SCFD2: variants seen among roughly 807,000 people sequenced by gnomAD.
SCFD2 encodes the protein sec1 family domain-containing protein 2.
SCFD2 carries 54 observed loss-of-function variants against 58.9 expected under a neutral mutation model. That is an observed-to-expected ratio of 0.92 (90% CI 0.74 to 1.15). The LOEUF (loss-of-function observed/expected upper bound fraction) is 1.15, where lower values mean the gene tolerates loss of function less well. Ranked by LOEUF, SCFD2 falls within the 50% of genes most tolerant of loss-of-function variation. The pLI, the probability that SCFD2 is intolerant of heterozygous loss-of-function variation, is 0.00. For missense variants in SCFD2, 805 were observed against 836.6 expected (o/e 0.96, Z 0.47); for synonymous variants, 321 against 335.9 (o/e 0.96, Z 0.49).
At chr4:53,324,919 A>C (rs1733139817) in intron 2 of SCFD2, among the ~76,000 whole-genome samples, 1 of 152,362 alleles carries the variant, frequency 6.6e-6, no homozygotes, top group East Asian at 1.9e-4. Context: ...ATTGATACTA[A>C]TTAACTATGT....
chr4:53,204,066 A>G (rs1241832125), intron 4 of SCFD2, among the ~76,000 whole-genome samples: 1 of 152,050 alleles, frequency 6.6e-6, no homozygotes, highest in African/African-American at 2.4e-5. Context: ...TCTTTGTGGG[A>G]ATATGTCTAT....
chr4:53,164,623 G>A (rs1264745858), intron 4 of SCFD2, among the ~76,000 whole-genome samples: 15 of 151,924 alleles, frequency 9.9e-5, no homozygotes, highest in East Asian at 1.9e-4. Flanking sequence ...GCAAAACCCC[G>A]TTTCCACTAA....
chr4:53,330,542 T>G (rs902391153), intron 2 of SCFD2, among the ~76,000 whole-genome samples: 2 of 151,862 alleles, frequency 1.3e-5, no homozygotes, highest in African/African-American at 4.8e-5. Context: ...GACAAGCAAA[T>G]GCTGAGAGAT....
chr4:52,920,873 G>T lies in SCFD2; in HGVS notation c.1562-3C>A. On this transcript the variant is annotated splice_polypyrimidine_tract_variant and splice_region_variant and intron_variant, in intron 5 of 8. Coordinates refer to ENST00000401642, the MANE Select transcript of SCFD2 (RefSeq NM_152540.4). ...CAGATTAATTGAAGAGTCCCAGTCTGAAAAAATCCAGAGATATTTTCTTGA... is the reference window on the plus strand; with the variant it reads ...CAGATTAATTGAAGAGTCCCAGTCTTAAAAAATCCAGAGATATTTTCTTGA... 1 of 1,584,920 alleles carries T rather than the reference G, an allele frequency of 6.3e-7. No individual in the cohort carries two copies. Among genetic ancestry groups the T allele is most frequent in the Non-Finnish European group, 8.6e-7 (1 of 1,166,620 alleles).
intron 5 of SCFD2, among the ~76,000 whole-genome samples, chr4:52,959,280 T>TA (rs1720787979): frequency 6.6e-6 from 1 of 152,064 alleles, no homozygotes; most frequent in Non-Finnish European, 1.5e-5. Flanking sequence ...TGCTTGATAA[T>TA]AGGAGGTTGG....
intron 7 of SCFD2, among the ~76,000 whole-genome samples, chr4:52,888,790 A>G (rs1227205196): frequency 6.6e-6 from 1 of 152,204 alleles, no homozygotes; most frequent in Non-Finnish European, 1.5e-5. Flanking sequence ...TCAATGCAAC[A>G]TCCCTGAAGG....
At chr4:53,102,811 C>T (rs1352943385) in intron 5 of SCFD2, among the ~76,000 whole-genome samples, 1 of 151,968 alleles carries the variant, frequency 6.6e-6, no homozygotes, top group East Asian at 1.9e-4. Flanking sequence ...TTCACAATGT[C>T]TAACAAAAAT....
At chr4:53,014,351 CAG>C (rs951840856) in intron 5 of SCFD2, among the ~76,000 whole-genome samples, 19 of 152,200 alleles carry the variant, frequency 1.2e-4, no homozygotes, top group African/African-American at 4.1e-4. Flanking sequence ...GGATTATAGT[CAG>C]AGTCTCTGAT....
rs563264201 is a variant in SCFD2 at position 53,271,091 on chromosome 4, CT to C, written c.1311+2734del. Among the ~76,000 whole-genome samples, 88 of 152,080 alleles carry C rather than the reference CT, an allele frequency of 5.8e-4. No homozygotes were observed. In the Middle Eastern group the frequency reaches 0.014, roughly 24 times the overall value. On this transcript the variant is annotated intron_variant, in intron 4 of 8. Transcript: ENST00000401642. ...AAATACATAATGAAGAAATAAGCTC[CT>C]TTTTCTGCCTCTTGATATATGTTTG...
chr4:53,152,188 CA>C (rs1726530133), intron 4 of SCFD2, among the ~76,000 whole-genome samples: 1 of 151,738 alleles, frequency 6.6e-6, no homozygotes, highest in African/African-American at 2.4e-5. Flanking sequence ...CCTATATAAA[CA>C]AAACACTTCA....
rs181081281 is a variant in SCFD2 at position 53,334,078 on chromosome 4, A to G, written c.1007+18520T>C. Among the ~76,000 whole-genome samples, 187 of 152,300 alleles carry G rather than the reference A, an allele frequency of 1.2e-3. 2 individuals carry two copies. In the East Asian group the frequency reaches 0.027, roughly 22 times the overall value. On this transcript the variant is annotated intron_variant, in intron 2 of 8. Transcript: ENST00000401642. Reference sequence around the variant, plus strand: ...ACCATCTCACAACAGTTAGAATGGCAATCATTAAAAAATCAGGAAACAACA... The same window carrying G: ...ACCATCTCACAACAGTTAGAATGGCGATCATTAAAAAATCAGGAAACAACA...
chr4:52,939,492 G>C (rs1327515967), intron 5 of SCFD2, among the ~76,000 whole-genome samples: 1 of 152,094 alleles, frequency 6.6e-6, no homozygotes, highest in Non-Finnish European at 1.5e-5. Flanking sequence ...AGGAACACTA[G>C]GAGGGAAAGG....
intron 5 of SCFD2, among the ~76,000 whole-genome samples, chr4:53,056,316 G>A (rs956413555): frequency 6.6e-6 from 1 of 152,044 alleles, no homozygotes; most frequent in Non-Finnish European, 1.5e-5. Context: ...GAGGACCCGG[G>A]GGAATGTCCA....
Position 52,985,915 on chromosome 4 carries a change from G to A in SCFD2, c.1562-65045C>T, listed in dbSNP as rs189110408. Among the ~76,000 whole-genome samples the A allele has an allele frequency of 7.6e-4, 115 of 152,194 alleles. 1 individual carries two copies. Among genetic ancestry groups the A allele is most frequent in the African/African-American group, 2.7e-3 (113 of 41,558 alleles). On this transcript the variant is annotated intron_variant, in intron 5 of 8. Transcript: ENST00000401642. ...CAAAGAGAATGGGTAGATTGGTGAG[G>A]TGCGGGTATATGGACATTTTTTTTT...
intron 5 of SCFD2, among the ~76,000 whole-genome samples, chr4:52,970,036 G>C (rs139814517): frequency 1.3e-5 from 2 of 152,176 alleles, no homozygotes; most frequent in Non-Finnish European, 2.9e-5. Flanking sequence ...CAATTGGGGC[G>C]TGGAGCCAAG....
chr4:53,365,598 G>C lies in SCFD2; in HGVS notation c.344C>G (p.Ala115Gly). 6.2e-7 allele frequency: 1 copy of C among 1,614,226 alleles called. No individual in the cohort carries two copies. The highest frequency in any genetic ancestry group is 2.2e-5 in the East Asian group (1 of 44,888). Residue 115 changes from alanine (A) to glycine (G), a missense_variant, in exon 1 of 9, where the codon GCT becomes GGT. Ala to Gly is a moderately conservative substitution (Grantham distance 60). This residue lies in a region of SCFD2 where 155 missense variants were observed against 149.7 expected (regional missense o/e 1.04). Coordinates refer to ENST00000401642, the MANE Select transcript of SCFD2 (RefSeq NM_152540.4). The surrounding 1 kb of genome is among the most constrained non-coding windows in gnomAD (Gnocchi z 4.3). ...CGCTGCCGCCGCTGGGACATGATTA[G>C]CTGTGAGGTGGACAGCGTGGCTCAC... The part of the protein sequence containing the change: ...TTVSHAVHLT[A>G]NHVPAAAAAE...
At chr4:53,170,208 G>A (rs1727139775) in intron 4 of SCFD2, among the ~76,000 whole-genome samples, 1 of 152,048 alleles carries the variant, frequency 6.6e-6, no homozygotes, top group Non-Finnish European at 1.5e-5. Context: ...TTTGTATATG[G>A]TGTGAGATAT....
chr4:53,214,168 C>T (rs1004194003), intron 4 of SCFD2, among the ~76,000 whole-genome samples: 2 of 152,084 alleles, frequency 1.3e-5, no homozygotes, highest in Non-Finnish European at 2.9e-5. Flanking sequence ...TGGGTATATA[C>T]CCAGTAATGG....
intron 5 of SCFD2, among the ~76,000 whole-genome samples, chr4:52,921,144 T>G (rs929976572): frequency 6.6e-6 from 1 of 152,172 alleles, no homozygotes; most frequent in African/African-American, 2.4e-5. Flanking sequence ...ATCCCTAGAC[T>G]GCAGACATTT....
Sources: gnomAD v4.1 joint callset for allele counts (sites outside exome capture counted in the v4.1 genomes callset) on GRCh38, gnomAD v4.1.1 for gene constraint, gnomAD v4.1.1 regional missense constraint, Gnocchi (gnomAD v3.1) non-coding constraint, MANE v1.5 for transcripts, NCBI Gene and HGNC (gene_info 2026-07-23, HGNC 2026-07-21) for gene names.